Variants in LMBRD1 observed in about 807,000 individuals in gnomAD.
LMBRD1 encodes lysosomal cobalamin transport escort protein LMBD1.
A neutral mutation model predicts 74.8 loss-of-function variants in LMBRD1; 64 were observed. The ratio of observed to expected loss-of-function variants is 0.86; its 90% confidence interval spans 0.70 to 1.05. LMBRD1 has a LOEUF of 1.05. LMBRD1 is among the 50% of genes least tolerant of loss of function. The pLI is 0.00. For missense variants in LMBRD1, 652 were observed against 645.9 expected, an observed-to-expected ratio of 1.01 and a Z score of -0.10; for synonymous variants, 204 against 216.3, an observed-to-expected ratio of 0.94 and a Z score of 0.50.
At chr6:69,726,790 AAAAT>A (rs2149861638) in intron 7 of LMBRD1, among the ~76,000 whole-genome samples, 1 of 152,274 alleles carries the variant, frequency 6.6e-6, no homozygotes, top group East Asian at 1.9e-4. Flanking sequence ...AAAAAAAAAA[AAAAT>A]GAGTAAGACC....
chr6:69,796,084 C>G (rs1464852783), intron 1 of LMBRD1, among the ~76,000 whole-genome samples: 3 of 152,140 alleles, frequency 2.0e-5, no homozygotes, highest in Non-Finnish European at 4.4e-5. Flanking sequence ...AGCCAGGCCA[C>G]TCTGAGACAT....
At chr6:69,796,141 G>C (rs1376756486) in intron 1 of LMBRD1, among the ~76,000 whole-genome samples, 1 of 152,142 alleles carries the variant, frequency 6.6e-6, no homozygotes, top group Non-Finnish European at 1.5e-5. Flanking sequence ...AAGATCGTTG[G>C]AAAAGAAAGC....
chr6:69,696,323 T>A (rs778785273), intron 14 of LMBRD1, among the ~76,000 whole-genome samples: 3 of 152,196 alleles, frequency 2.0e-5, no homozygotes, highest in Non-Finnish European at 4.4e-5. Context: ...CTCCCTCCCC[T>A]AAGTGATTTC....
intron 14 of LMBRD1, among the ~76,000 whole-genome samples, chr6:69,693,392 C>A (rs1765929912): frequency 6.6e-6 from 1 of 151,810 alleles, no homozygotes; most frequent in Non-Finnish European, 1.5e-5. Flanking sequence ...TGTCAGATCG[C>A]CTCATATATA....
At chr6:69,678,336 G>A (rs1477908062) in intron 14 of LMBRD1, among the ~76,000 whole-genome samples, 4 of 152,060 alleles carry the variant, frequency 2.6e-5, no homozygotes, top group Non-Finnish European at 5.9e-5. Context: ...GAAGGATGGG[G>A]AAGAGGAGGG....
At chr6:69,779,185 C>CAAAAAAAA (rs11397050) in intron 3 of LMBRD1, among the ~76,000 whole-genome samples, 4 of 100,128 alleles carry the variant, frequency 4.0e-5, no homozygotes, top group African/African-American at 9.0e-5. Context: ...GACTCAGTCT[C>CAAAAAAAA]AAAAAAAAAA....
At chr6:69,718,839 C>T in intron 8 of LMBRD1, 117 bp downstream of exon 8, 1 of 1,074,094 alleles carries the variant, frequency 9.3e-7, no homozygotes, top group Admixed American at 1.9e-5. Flanking sequence ...AGATATGCTG[C>T]AAAAAATTCA....
chr6:69,775,015 G>A lies in LMBRD1; in HGVS notation c.307+5479C>T, dbSNP rs1421859143. 9.4e-3 allele frequency among the ~76,000 whole-genome samples: 685 copies of A among 73,254 alleles called. 86 individuals carry two copies. The highest frequency in any genetic ancestry group is 0.013 in the African/African-American group (323 of 23,928). The allele number at this position is 73,254 out of a possible 152,430, so 48.1% of individuals were successfully genotyped here. ...GGAGGGAGGGAGGGAGGGAGGGAGG[G>A]AGGGAGGGAGGGAGGGAGGGAAGGA... On this transcript the variant is annotated intron_variant, in intron 3 of 15. Transcript: ENST00000649934.
chr6:69,698,469 A>G (rs965883296), intron 13 of LMBRD1, among the ~76,000 whole-genome samples: 12 of 152,002 alleles, frequency 7.9e-5, no homozygotes, highest in African/African-American at 2.7e-4. Context: ...AAAACTAAAC[A>G]AAGTTTGAAT....
At chr6:69,702,690 C>T (rs904287790) in intron 9 of LMBRD1, among the ~76,000 whole-genome samples, 48 of 152,052 alleles carry the variant, frequency 3.2e-4, no homozygotes, top group African/African-American at 1.2e-3. Flanking sequence ...AGCTCTTTTT[C>T]CCCGAAATCT....
chr6:69,717,363 G>A (rs1766514264), intron 8 of LMBRD1, among the ~76,000 whole-genome samples: 1 of 152,002 alleles, frequency 6.6e-6, no homozygotes, highest in Non-Finnish European at 1.5e-5. Context: ...TATGCTAAAA[G>A]TAACAAGGAT....
intron 3 of LMBRD1, among the ~76,000 whole-genome samples, chr6:69,768,970 G>T (rs1287816581): frequency 1.3e-5 from 2 of 150,292 alleles, no homozygotes; most frequent in African/African-American, 5.0e-5. Flanking sequence ...TTTGTCTTTG[G>T]CTTTGGCTTT....
chr6:69,684,690 C>CG (rs1348449047), intron 14 of LMBRD1, among the ~76,000 whole-genome samples: 1 of 151,894 alleles, frequency 6.6e-6, no homozygotes, highest in Non-Finnish European at 1.5e-5. Context: ...TACAATGCAT[C>CG]GGAAGTCTAA....
chr6:69,769,968 A>G (rs1204066671), intron 3 of LMBRD1, among the ~76,000 whole-genome samples: 2 of 152,148 alleles, frequency 1.3e-5, no homozygotes, highest in Non-Finnish European at 2.9e-5. Flanking sequence ...AGTTCAGGCC[A>G]ATTGCCCCTG....
rs116774153 is a variant in LMBRD1 at position 69,745,878 on chromosome 6, A to C, written c.473+3463T>G. ...ACACATTACTGAGACATCATGGTGA[A>C]AGTGAAGGCCAGACTAAATGGATTT... On this transcript the variant is annotated intron_variant, in intron 5 of 15. Transcript: ENST00000649934. 2.3e-4 allele frequency: 40 copies of C among 171,686 alleles called. 1 individual carries two copies. Among genetic ancestry groups the C allele is most frequent in the African/African-American group, 9.0e-4 (38 of 42,086 alleles). 10.6% of individuals were successfully genotyped at this position (171,686 alleles called of 1,614,324 possible).
intron 5 of LMBRD1, among the ~76,000 whole-genome samples, chr6:69,745,097 G>C (rs1299431385): frequency 1.3e-5 from 2 of 151,470 alleles, no homozygotes; most frequent in Non-Finnish European, 2.9e-5. Context: ...GCCTCCCAAA[G>C]TGCTGGGATT....
At chr6:69,719,881 C>T (rs1766576196) in intron 7 of LMBRD1, among the ~76,000 whole-genome samples, 1 of 152,068 alleles carries the variant, frequency 6.6e-6, no homozygotes, top group Non-Finnish European at 1.5e-5. Context: ...CCCCGTGCCC[C>T]CTGTTAGATG....
chr6:69,751,206 A>G (rs944102919), intron 4 of LMBRD1, among the ~76,000 whole-genome samples: 1 of 152,202 alleles, frequency 6.6e-6, no homozygotes, highest in Non-Finnish European at 1.5e-5. Flanking sequence ...ATATATTTCT[A>G]AGATGCTCCT....
At chr6:69,774,973 GGAAGGAAGGAAGGA>G (rs1765660701) in intron 3 of LMBRD1, among the ~76,000 whole-genome samples, 5 of 49,716 alleles carry the variant, frequency 1.0e-4, no homozygotes, top group African/African-American at 4.5e-4. Flanking sequence ...AAGGAAGGAA[GGAAGGAAGGAAGGA>G]AGGGAGGGAG....
Sources: gnomAD v4.1 joint callset for allele counts (sites outside exome capture counted in the v4.1 genomes callset) on GRCh38, gnomAD v4.1.1 for gene constraint, MANE v1.5 for transcripts, NCBI Gene and HGNC (gene_info 2026-07-23, HGNC 2026-07-21) for gene names.